Variants in GUCY1A1 observed in about 807,000 individuals in gnomAD.
GUCY1A1 encodes guanylate cyclase 1 soluble subunit alpha 1, also known as guanylate cyclase soluble subunit alpha-1.
In GUCY1A1, 48 loss-of-function variants were observed where a neutral mutation model predicts 64.5. The ratio of observed to expected loss-of-function variants is 0.74; its 90% confidence interval spans 0.59 to 0.95. GUCY1A1 has a LOEUF of 0.95. Among genes scored for constraint, GUCY1A1 ranks in the 40% least tolerant of loss-of-function variants. The pLI, the probability that GUCY1A1 is intolerant of heterozygous loss-of-function variation, is 0.00. For missense variants in GUCY1A1, 804 were observed against 825.3 expected (o/e 0.97, Z 0.32); for synonymous variants, 308 against 303.4 (o/e 1.02, Z -0.16).
At chr4:155,691,559 C>T (rs1454512779) in intron 2 of GUCY1A1, among the ~76,000 whole-genome samples, 1 of 152,066 alleles carries the variant, frequency 6.6e-6, no homozygotes, top group African/African-American at 2.4e-5. Flanking sequence ...CAAACTTTAT[C>T]CTTACTAAGG....
In GUCY1A1 at chr4:155,736,606, A is replaced by G. The variant is rs560299978; in HGVS notation, c.*6375A>G. 14 of 152,150 alleles carry G rather than the reference A, an allele frequency of 9.2e-5. No homozygotes were observed. Among genetic ancestry groups the G allele is most frequent in the African/African-American group, 3.4e-4 (14 of 41,544 alleles). 9.4% of individuals were successfully genotyped at this position (152,150 alleles called of 1,614,324 possible). A position where few individuals can be genotyped will look rare whatever the true frequency, so the allele number is the denominator to read the frequency against. ...AAGTCTGTGATTTTTGGGTTAGATG[A>G]GACCACTTTTGATTTTTGAGGAATA... On this transcript the variant is annotated 3_prime_UTR_variant, in exon 10 of 10. Coordinates refer to ENST00000506455, the MANE Select transcript of GUCY1A1 (RefSeq NM_001130682.3).
chr4:155,729,556 T>A (rs1000078748), intron 9 of GUCY1A1, among the ~76,000 whole-genome samples: 1 of 151,794 alleles, frequency 6.6e-6, no homozygotes, highest in Admixed American at 6.6e-5. Context: ...CTCACATCAT[T>A]TTTGTCATTG....
At chr4:155,728,502 A>G (rs1308891808) in intron 9 of GUCY1A1, among the ~76,000 whole-genome samples, 1 of 151,898 alleles carries the variant, frequency 6.6e-6, no homozygotes. Flanking sequence ...CATTATTACA[A>G]AAAGTGATTC....
At position 155,672,661 on chromosome 4, in the gene GUCY1A1, A is replaced by C. The variant is rs528430348; in HGVS notation, c.-113+5242A>C. ...AGCACTTCACATTTTGAATGCTTGCATGCCATGTTTTTAATCATCTCTTTG... is the reference window on the plus strand; with the variant it reads ...AGCACTTCACATTTTGAATGCTTGCCTGCCATGTTTTTAATCATCTCTTTG... On this transcript the variant is annotated intron_variant, in intron 2 of 9. Coordinates refer to ENST00000506455, the MANE Select transcript of GUCY1A1 (RefSeq NM_001130682.3). Among the ~76,000 whole-genome samples the C allele has an allele frequency of 2.6e-3, 401 of 152,284 alleles. 1 individual carries two copies. Among genetic ancestry groups the C allele is most frequent in the South Asian group, 7.7e-3 (37 of 4,820 alleles).
At position 155,730,746 on chromosome 4, in the gene GUCY1A1, T is replaced by G; in HGVS notation, c.*515T>G. The G allele has an allele frequency of 6.5e-6, 1 of 153,526 alleles. No individual in the cohort carries two copies. Among genetic ancestry groups the G allele is most frequent in the African/African-American group, 2.4e-5 (1 of 41,548 alleles). The allele number at this position is 153,526 out of a possible 1,614,324, so 9.5% of individuals were successfully genotyped here. A position where few individuals can be genotyped will look rare whatever the true frequency, so the allele number is the denominator to read the frequency against. On this transcript the variant is annotated 3_prime_UTR_variant, in exon 10 of 10. Transcript: ENST00000506455. Reference sequence around the variant, plus strand: ...AGTATATGTTTGAATATAGGCTGACTTTTTTTCTCTATTGCACTTTCTTCT... The same window carrying G: ...AGTATATGTTTGAATATAGGCTGACGTTTTTTCTCTATTGCACTTTCTTCT...
intron 8 of GUCY1A1, 56 bp from the exon 9 acceptor site, chr4:155,721,982 C>T (rs1046745320): frequency 3.5e-5 from 41 of 1,172,914 alleles, no homozygotes; most frequent in African/African-American, 9.1e-5. Context: ...ACGACACTGA[C>T]GAGTAGGAAG....
At chr4:155,723,614 CCTT>C (rs1355396208) in intron 9 of GUCY1A1, among the ~76,000 whole-genome samples, 2 of 150,142 alleles carry the variant, frequency 1.3e-5, no homozygotes, top group East Asian at 3.9e-4. Flanking sequence ...GCATCTTCTC[CCTT>C]CTTCTTCTGC....
intron 9 of GUCY1A1, among the ~76,000 whole-genome samples, chr4:155,725,899 T>A (rs181299211): frequency 6.6e-6 from 1 of 152,094 alleles, no homozygotes; most frequent in Admixed American, 6.6e-5. Context: ...AAATTTTTTA[T>A]TACTGTGGTA....
chr4:155,698,831 T>A (rs1378109354), intron 3 of GUCY1A1, among the ~76,000 whole-genome samples: 1 of 152,182 alleles, frequency 6.6e-6, no homozygotes, highest in Non-Finnish European at 1.5e-5. Context: ...GGCTTAAGTC[T>A]GCTGTTAATG....
chr4:155,690,329 C>T (rs1288434576), intron 2 of GUCY1A1, among the ~76,000 whole-genome samples: 1 of 152,168 alleles, frequency 6.6e-6, no homozygotes, highest in Admixed American at 6.5e-5. Context: ...ATTACTTCTG[C>T]AATTGATTCA....
Position 155,730,170 on chromosome 4 carries a change from A to G in GUCY1A1, c.2012A>G (p.Gln671Arg). 1 of 1,611,848 alleles carries G rather than the reference A, an allele frequency of 6.2e-7. No individual in the cohort carries two copies. Among genetic ancestry groups the G allele is most frequent in the Non-Finnish European group, 8.5e-7 (1 of 1,178,434 alleles). ...GGAACAAACTCAAAACCATGCTTCC[A>G]AAAGAAAGATGTGGAAGATGGCAAT... Reference protein sequence around the residue: ...QQGTNSKPCFQKKDVEDGNAN... With the variant: ...QQGTNSKPCFRKKDVEDGNAN... Residue 671 changes from glutamine to arginine, a missense_variant, in exon 10 of 10, where the codon CAA (glutamine) becomes CGA (arginine). Transcript: ENST00000506455.
chr4:155,710,494 C>T (rs369789280), intron 5 of GUCY1A1, 48 bp from the exon 6 acceptor site: 7 of 1,088,404 alleles, frequency 6.4e-6, no homozygotes, highest in East Asian at 2.4e-5. Flanking sequence ...CACAGCTTTA[C>T]CAAGGTGGCA....
intron 8 of GUCY1A1, among the ~76,000 whole-genome samples, chr4:155,718,447 G>A (rs146444651): frequency 2.9e-3 from 446 of 152,128 alleles, no homozygotes; most frequent in Non-Finnish European, 4.3e-3. Flanking sequence ...TTTATTATGC[G>A]TGGATTCTGT....
rs1043296513 is a variant in GUCY1A1, at chr4:155,731,985, T to C, written c.*1754T>C. The C allele has an allele frequency of 2.0e-5, 3 of 149,936 alleles. No homozygotes were observed. Among genetic ancestry groups the C allele is most frequent in the African/African-American group, 7.4e-5 (3 of 40,270 alleles). The allele number at this position is 149,936 out of a possible 1,614,324, so 9.3% of individuals were successfully genotyped here. A position where few individuals can be genotyped will look rare whatever the true frequency, so the allele number is the denominator to read the frequency against. Reference sequence around the variant, plus strand: ...AAGTATAGTTACATCCTCACAAATATATGAAGTTAAGTCACTACTTACAAG... The same window carrying C: ...AAGTATAGTTACATCCTCACAAATACATGAAGTTAAGTCACTACTTACAAG... On this transcript the variant is annotated 3_prime_UTR_variant, in exon 10 of 10. Transcript: ENST00000506455.
At chr4:155,688,878 T>C (rs1729365016) in intron 2 of GUCY1A1, among the ~76,000 whole-genome samples, 1 of 151,962 alleles carries the variant, frequency 6.6e-6, no homozygotes, top group African/African-American at 2.4e-5. Flanking sequence ...ACCTCAGCAA[T>C]TGTAGGCCTT....
At chr4:155,674,364 A>AAG (rs1734594766) in intron 2 of GUCY1A1, among the ~76,000 whole-genome samples, 2 of 141,662 alleles carry the variant, frequency 1.4e-5, no homozygotes, top group Non-Finnish European at 3.1e-5. Flanking sequence ...AAAAAAAAAA[A>AAG]GAAAGAAAGA....
At chr4:155,688,003 C>T (rs953757968) in intron 2 of GUCY1A1, among the ~76,000 whole-genome samples, 8 of 151,906 alleles carry the variant, frequency 5.3e-5, no homozygotes, top group Non-Finnish European at 1.2e-4. Flanking sequence ...GTGGGCGGAT[C>T]ATGAGGTCAG....
chr4:155,713,015 A>G, intron 6 of GUCY1A1, 83 bp from the exon 7 acceptor site: 1 of 1,163,008 alleles, frequency 8.6e-7, no homozygotes, highest in Non-Finnish European at 1.2e-6. Flanking sequence ...AGGGTTTATT[A>G]CTGTATCTAC....
At chr4:155,687,429 T>C (rs911529474) in intron 2 of GUCY1A1, among the ~76,000 whole-genome samples, 4 of 152,182 alleles carry the variant, frequency 2.6e-5, no homozygotes, top group African/African-American at 4.8e-5. Flanking sequence ...ACTTTATATA[T>C]ATTATTCCAA....
Sources: allele counts gnomAD v4.1 joint callset (sites outside exome capture counted in the v4.1 genomes callset), GRCh38; gene constraint gnomAD v4.1.1; transcripts MANE v1.5; gene names NCBI Gene and HGNC (gene_info 2026-07-23, HGNC 2026-07-21).